The following CCND2 variants were observed in gnomAD, a reference collection of about 807,000 sequenced individuals.
The protein encoded by CCND2 is cyclin D2.
Under a neutral mutation model 30.2 loss-of-function variants are expected in CCND2, and 6 were observed. The ratio of observed to expected loss-of-function variants is 0.20; its 90% CI spans 0.11 to 0.39. CCND2 has a LOEUF of 0.39. CCND2 is among the 10% of genes least tolerant of loss of function. The pLI is 1.00. For synonymous variants in CCND2, 150 were observed against 153.1 expected (o/e 0.98, Z 0.15); for missense variants, 235 against 373.4 (o/e 0.63, Z 3.06).
In CCND2 at chr12:4,282,326, A is replaced by T. The variant is rs1863959935; in HGVS notation, c.571+3407A>T. 6.6e-6 allele frequency among the ~76,000 whole-genome samples: 1 copy of T among 152,232 alleles called. No homozygotes were observed. Among genetic ancestry groups the T allele is most frequent in the Non-Finnish European group, 1.5e-5 (1 of 67,994 alleles). On this transcript the variant is annotated intron_variant, in intron 3 of 4. Transcript: ENST00000261254. The surrounding 1 kb of genome is among the most constrained non-coding windows in gnomAD (Gnocchi z 4.3). ...TGCTGCACCTTGGTATTTGTGCCAC[A>T]CACGGTAGCCACCCCCAGGCCTCCC...
chr12:4,276,715 G>C lies in CCND2; in HGVS notation c.411+495G>C, dbSNP rs3217794. Among the ~76,000 whole-genome samples, 694 of 152,290 alleles carry C rather than the reference G, an allele frequency of 4.6e-3. 7 individuals carry two copies. The highest frequency in any genetic ancestry group is 0.016 in the African/African-American group (675 of 41,554). On this transcript the variant is annotated intron_variant, in intron 2 of 4. Coordinates refer to ENST00000261254, the MANE Select transcript of CCND2 (RefSeq NM_001759.4). This position sits in a 1 kb window ranked among gnomAD's most constrained non-coding sequence, Gnocchi z 4.8. ...CATAATAGCTGTTCACTAAATATCA[G>C]TTCATTGACTTTTGAGCAAAGTCAA...
At chr12:4,280,331 T>C (rs1863931658) in intron 3 of CCND2, among the ~76,000 whole-genome samples, 1 of 152,354 alleles carries the variant, frequency 6.6e-6, no homozygotes, top group East Asian at 1.9e-4. Context: ...GCAGGACCTG[T>C]GTGTTCTGCA....
chr12:4,273,858 A>T lies in CCND2; in HGVS notation c.-183A>T. The T allele has an allele frequency of 3.1e-6, 2 of 638,042 alleles. No individual in the cohort carries two copies. The highest frequency in any genetic ancestry group is 5.4e-6 in the Non-Finnish European group (2 of 371,550). 39.5% of individuals were successfully genotyped at this position (638,042 alleles called of 1,614,324 possible). ...CCGAGGCTCTGCTCGCCCACCACCCAATCCTCGCCTCCCTTCTGCTCCACC... is the reference window on the plus strand; with the variant it reads ...CCGAGGCTCTGCTCGCCCACCACCCTATCCTCGCCTCCCTTCTGCTCCACC... On this transcript the variant is annotated 5_prime_UTR_variant, in exon 1 of 5. Coordinates refer to ENST00000261254, the MANE Select transcript of CCND2 (RefSeq NM_001759.4). The surrounding 1 kb of genome is among the most constrained non-coding windows in gnomAD (Gnocchi z 5.9).
Position 4,301,610 on chromosome 12 carries a change from T to C in CCND2, c.*1601T>C. 4.3e-6 allele frequency: 1 copy of C among 231,210 alleles called. No homozygotes were observed. Among genetic ancestry groups the C allele is most frequent in the African/African-American group, 2.3e-5 (1 of 44,086 alleles). The allele number at this position is 231,210 out of a possible 1,614,324, so 14.3% of individuals were successfully genotyped here. On this transcript the variant is annotated 3_prime_UTR_variant, in exon 5 of 5. Transcript: ENST00000261254. ...TTTTATACACAGATTCTGCCTTGTT[T>C]CATAGTATGAGGGTTGAAGACGGAA...
At position 4,278,826 on chromosome 12, in the gene CCND2, A is replaced by G. The variant is rs182823354; in HGVS notation, c.478A>G (p.Ile160Val). 3.1e-6 allele frequency: 5 copies of G among 1,614,250 alleles called. No individual in the cohort carries two copies. The highest frequency in any genetic ancestry group is 4.2e-6 in the Non-Finnish European group (5 of 1,180,040). Residue 160 changes from isoleucine to valine, a missense_variant, in exon 3 of 5, where the codon ATT becomes GTT. By Grantham distance (29) the Ile-to-Val change is conservative. Around this residue, in one of 2 missense-constraint regions of CCND2, gnomAD observed 178 missense variants for 322.8 expected, o/e 0.55. Transcript: ENST00000261254. ...NLAAVTPHDF[I>V]EHILRKLPQQ... ...GGCAGCTGTCACTCCTCATGACTTC[A>G]TTGAGCACATCTTGCGCAAGCTGCC...
Position 4,300,354 on chromosome 12 carries a change from C to CT in CCND2, c.*355dup, listed in dbSNP as rs969318686. On this transcript the variant is annotated 3_prime_UTR_variant, in exon 5 of 5. Coordinates refer to ENST00000261254, the MANE Select transcript of CCND2 (RefSeq NM_001759.4). ...CAATATGGGAACAAATTAGAGGAGA[C>CT]TTTTTTTTTTCATGTTATGAGCTAG... is the stretch of plus-strand genomic sequence containing the variant. 607 of 246,452 alleles carry CT rather than the reference C, an allele frequency of 2.5e-3. No homozygotes were observed. Among genetic ancestry groups the CT allele is most frequent in the Middle Eastern group, 5.0e-3 (4 of 798 alleles). 15.3% of individuals were successfully genotyped at this position (246,452 alleles called of 1,614,324 possible). A position where few individuals can be genotyped will look rare whatever the true frequency, so the allele number is the denominator to read the frequency against.
intron 4 of CCND2, among the ~76,000 whole-genome samples, chr12:4,292,218 G>A (rs996193431): frequency 6.6e-6 from 1 of 152,066 alleles, no homozygotes; most frequent in African/African-American, 2.4e-5. Context: ...ACATTCTCGG[G>A]CCACGCTATG....
chr12:4,286,820 T>C (rs1006819043), intron 3 of CCND2, among the ~76,000 whole-genome samples: 8 of 152,190 alleles, frequency 5.3e-5, no homozygotes, highest in Admixed American at 1.3e-4. Context: ...GAGATGGGCA[T>C]GTGTGAGGTG....
At position 4,299,264 on chromosome 12, in the gene CCND2, G is replaced by A. The variant is rs1336101576; in HGVS notation, c.721-596G>A. Among the ~76,000 whole-genome samples, 2 of 152,222 alleles carry A rather than the reference G, an allele frequency of 1.3e-5. No homozygotes were observed. The highest frequency in any genetic ancestry group is 2.4e-5 in the African/African-American group (1 of 41,456). On this transcript the variant is annotated intron_variant, in intron 4 of 4. Transcript: ENST00000261254. This position sits in a 1 kb window ranked among gnomAD's most constrained non-coding sequence, Gnocchi z 5.2. ...AGTCCCAGCTACTTGGGAGGCTGAG[G>A]CAGGAGAATCGCTTGAACCCGGAAG... is the stretch of plus-strand genomic sequence containing the variant.
chr12:4,302,791 G>A lies in CCND2; in HGVS notation c.*2782G>A, dbSNP rs889084095. 1.1e-4 allele frequency: 26 copies of A among 233,364 alleles called. No individual in the cohort carries two copies. In the Admixed American group the frequency reaches 1.1e-3, roughly 10 times the overall value. The allele number at this position is 233,364 out of a possible 1,614,324, so 14.5% of individuals were successfully genotyped here. On this transcript the variant is annotated 3_prime_UTR_variant, in exon 5 of 5. Transcript: ENST00000261254. ...GATGAGTCAGTCTCTTGGGAAGTGT[G>A]TTTAGAAGGGTTCAGGACTTTGTGA...
At position 4,274,737 on chromosome 12, in the gene CCND2, G is replaced by A. The variant is rs981566758; in HGVS notation, c.195+502G>A. 6.6e-6 allele frequency among the ~76,000 whole-genome samples: 1 copy of A among 152,222 alleles called. No homozygotes were observed. Among genetic ancestry groups the A allele is most frequent in the Non-Finnish European group, 1.5e-5 (1 of 68,038 alleles). ...GGTGGAGGGAGGAGGGAGAAGGAGA[G>A]AAACGGGGAATTCGGGAGCCCCGGA... On this transcript the variant is annotated intron_variant, in intron 1 of 4. Coordinates refer to ENST00000261254, the MANE Select transcript of CCND2 (RefSeq NM_001759.4). The surrounding 1 kb of genome is among the most constrained non-coding windows in gnomAD (Gnocchi z 7.7).
chr12:4,295,821 G>A (rs1464677256), intron 4 of CCND2, among the ~76,000 whole-genome samples: 1 of 152,230 alleles, frequency 6.6e-6, no homozygotes, highest in Non-Finnish European at 1.5e-5. Context: ...TGATGATTTG[G>A]ATTGAAATTA....
In CCND2 at chr12:4,293,407, A is replaced by G. The variant is rs887704529; in HGVS notation, c.720+4417A>G. Among the ~76,000 whole-genome samples, 3 of 152,216 alleles carry G rather than the reference A, an allele frequency of 2.0e-5. No homozygotes were observed. The highest frequency in any genetic ancestry group is 7.2e-5 in the African/African-American group (3 of 41,462). ...CTCTTTGTCACATTCTTTAAAAACA[A>G]AAAGCAAAAAACAAAACTTTAGATT... On this transcript the variant is annotated intron_variant, in intron 4 of 4. Transcript: ENST00000261254. The surrounding 1 kb of genome is among the most constrained non-coding windows in gnomAD (Gnocchi z 4.9).
At chr12:4,286,998 G>T (rs1864032775) in intron 3 of CCND2, among the ~76,000 whole-genome samples, 1 of 152,238 alleles carries the variant, frequency 6.6e-6, no homozygotes, top group African/African-American at 2.4e-5. Flanking sequence ...AGGTTATTGG[G>T]CAGAGAAACA....
Position 4,274,741 on chromosome 12 carries a change from C to G in CCND2, c.195+506C>G, listed in dbSNP as rs1364952297. On this transcript the variant is annotated intron_variant, in intron 1 of 4. Transcript: ENST00000261254. The surrounding 1 kb of genome is among the most constrained non-coding windows in gnomAD (Gnocchi z 7.7). The stretch of plus-strand genomic sequence containing the variant: ...GAGGGAGGAGGGAGAAGGAGAGAAA[C>G]GGGGAATTCGGGAGCCCCGGAAGTC... Among the ~76,000 whole-genome samples the G allele has an allele frequency of 6.6e-6, 1 of 152,154 alleles. No individual in the cohort carries two copies. The highest frequency in any genetic ancestry group is 1.5e-5 in the Non-Finnish European group (1 of 68,012).
chr12:4,297,824 T>C (rs759473372), intron 4 of CCND2: 3 of 451,962 alleles, frequency 6.6e-6, no homozygotes, highest in African/African-American at 2.0e-5. Flanking sequence ...GTCTGAGAGG[T>C]GTTAGCAAGT....
Position 4,273,983 on chromosome 12 carries a change from A to T in CCND2, c.-58A>T. On this transcript the variant is annotated 5_prime_UTR_variant, in exon 1 of 5. Transcript: ENST00000261254. The surrounding 1 kb of genome is among the most constrained non-coding windows in gnomAD (Gnocchi z 5.9). The stretch of plus-strand genomic sequence containing the variant: ...CCCTCCCCTTCCAAAAAACAAAAAC[A>T]GAAAAACCTTTTTCCAGGCCGGGGA... The T allele has an allele frequency of 1.3e-6, 2 of 1,544,574 alleles. No homozygotes were observed. The highest frequency in any genetic ancestry group is 1.8e-6 in the Non-Finnish European group (2 of 1,140,886).
chr12:4,295,131 T>C (rs1007003483), intron 4 of CCND2, among the ~76,000 whole-genome samples: 1 of 152,188 alleles, frequency 6.6e-6, no homozygotes, highest in Non-Finnish European at 1.5e-5. Context: ...TAAACAAAGG[T>C]ATTCATATGC....
intron 3 of CCND2, among the ~76,000 whole-genome samples, chr12:4,283,827 G>T (rs1863985617): frequency 6.6e-6 from 1 of 152,224 alleles, no homozygotes; most frequent in Non-Finnish European, 1.5e-5. Flanking sequence ...GGTTAGAGTT[G>T]CCAACTTCTC....
Sources: allele counts gnomAD v4.1 joint callset (sites outside exome capture counted in the v4.1 genomes callset), GRCh38; gene constraint gnomAD v4.1.1; regional missense constraint gnomAD v4.1.1; non-coding constraint Gnocchi (gnomAD v3.1); transcripts MANE v1.5; gene names NCBI Gene and HGNC (gene_info 2026-07-23, HGNC 2026-07-21).